The following UBE3B variants were observed in gnomAD, a reference collection of about 807,000 sequenced individuals.
The protein encoded by UBE3B is ubiquitin-protein ligase E3B.
A neutral mutation model predicts 132.3 loss-of-function variants in UBE3B; 80 were observed. That is an observed-to-expected ratio of 0.60 (90% CI 0.50 to 0.73). The LOEUF is 0.73. Among genes scored for constraint, UBE3B ranks in the 30% least tolerant of loss-of-function variants. The pLI is 0.00. For missense variants in UBE3B, 1,196 were observed against 1,362.5 expected (o/e 0.88, Z 1.92); for synonymous variants, 487 against 520.4 (o/e 0.94, Z 0.87).
intron 9 of UBE3B, 46 bp downstream of exon 9, chr12:109,491,173 TTCC>T: frequency 2.5e-6 from 4 of 1,577,018 alleles, no homozygotes; most frequent in Non-Finnish European, 2.6e-6. Context: ...TCTTGAATGC[TTCC>T]TCCTCTTGGT....
chr12:109,525,825 T>G (rs993507698), intron 23 of UBE3B, among the ~76,000 whole-genome samples: 1 of 152,132 alleles, frequency 6.6e-6, no homozygotes, highest in Non-Finnish European at 1.5e-5. Flanking sequence ...AGCTCTAATA[T>G]GAGCAAAAGA....
In UBE3B at chr12:109,488,679, C is replaced by T. The variant is rs1876919393; in HGVS notation, c.544+11C>T. 2 of 1,611,504 alleles carry T rather than the reference C, an allele frequency of 1.2e-6. No homozygotes were observed. Among genetic ancestry groups the T allele is most frequent in the South Asian group, 2.2e-5 (2 of 91,018 alleles). On this transcript the variant is annotated intron_variant, in intron 7 of 27. Transcript: ENST00000342494. ...TTCTTCGGGGAAAAGGTCTGTGGGA[C>T]TTGCTTCAAAATGTTCTCTAACCAA...
Position 109,522,227 on chromosome 12 carries a change from C to T in UBE3B, c.2364+676C>T, listed in dbSNP as rs761541223. Among the ~76,000 whole-genome samples the T allele has an allele frequency of 3.9e-5, 6 of 152,264 alleles. No homozygotes were observed. Among genetic ancestry groups the T allele is most frequent in the East Asian group, 3.9e-4 (2 of 5,168 alleles). On this transcript the variant is annotated intron_variant, in intron 21 of 27. Coordinates refer to ENST00000342494, the MANE Select transcript of UBE3B (RefSeq NM_130466.4). This position sits in a 1 kb window ranked among gnomAD's most constrained non-coding sequence, Gnocchi z 4.2. ...AGCCAGCTGCTCACACCAGGTGGAT[C>T]GGAGCAGTCATCCTCACCTTACTAA... is the stretch of plus-strand genomic sequence containing the variant.
chr12:109,486,760 G>A (rs562716290), intron 6 of UBE3B, among the ~76,000 whole-genome samples, 185 bp downstream of exon 6: 2 of 152,092 alleles, frequency 1.3e-5, no homozygotes, highest in African/African-American at 4.8e-5. Context: ...GTGTGTGTTG[G>A]ACCCTTAAAC....
chr12:109,499,911 TAAAAATAATATGTATTCA>T, intron 12 of UBE3B, 101 bp downstream of exon 12: 1 of 1,094,710 alleles, frequency 9.1e-7, no homozygotes, highest in Non-Finnish European at 1.2e-6. Flanking sequence ...TTTCTTATTA[TAAAAATAATATGTATTCA>T]TTATATATTA....
At chr12:109,484,832 T>C (rs1876132834) in intron 4 of UBE3B, among the ~76,000 whole-genome samples, 2 of 152,094 alleles carry the variant, frequency 1.3e-5, no homozygotes, top group African/African-American at 4.8e-5. Context: ...CACAGCTCAC[T>C]ATAGTCTTGA....
intron 6 of UBE3B, among the ~76,000 whole-genome samples, chr12:109,486,863 T>C (rs547467016): frequency 1.5e-4 from 23 of 152,208 alleles, no homozygotes; most frequent in African/African-American, 5.5e-4. Context: ...TACATTATTA[T>C]ACTAGTCAGG....
At chr12:109,537,576 C>G (rs1287025442), downstream of UBE3B, among the ~76,000 whole-genome samples, 2 of 152,218 alleles carry the variant, frequency 1.3e-5, no homozygotes, top group Non-Finnish European at 2.9e-5. Flanking sequence ...GGCGTCCTCA[C>G]AAGGAGCGTT....
At chr12:109,503,485 G>A (rs1183116154) in intron 14 of UBE3B, among the ~76,000 whole-genome samples, 13 of 150,278 alleles carry the variant, frequency 8.7e-5, no homozygotes, top group Non-Finnish European at 1.3e-4. Context: ...AGATAGGGTT[G>A]CAAAAAAAAA....
chr12:109,547,369 C>T, the UBE3B span, among the ~76,000 whole-genome samples: 1 of 152,242 alleles, frequency 6.6e-6, no homozygotes, highest in Admixed American at 6.5e-5. This position sits in a 1 kb window ranked among gnomAD's most constrained non-coding sequence, Gnocchi z 4.1. Flanking sequence ...CAAACAAGGT[C>T]ATACATGCAG....
chr12:109,508,679 G>C, intron 15 of UBE3B: 1 of 985,624 alleles, frequency 1.0e-6, no homozygotes, highest in Non-Finnish European at 1.2e-6. Context: ...AAGAGCAGGG[G>C]TCTAGCTGCT....
At chr12:109,510,836 G>A (rs1482204061) in intron 17 of UBE3B, among the ~76,000 whole-genome samples, 2 of 152,162 alleles carry the variant, frequency 1.3e-5, no homozygotes, top group Non-Finnish European at 2.9e-5. Flanking sequence ...GAGTAATGGG[G>A]TGGGGGAAAT....
chr12:109,477,887 TGGCCAGGTC>T lies in UBE3B; in HGVS notation c.-347_-339del, dbSNP rs1430392345. 6.5e-6 allele frequency: 1 copy of T among 153,880 alleles called. No individual in the cohort carries two copies. The highest frequency in any genetic ancestry group is 2.4e-5 in the African/African-American group (1 of 41,474). The allele number at this position is 153,880 out of a possible 1,614,324, so 9.5% of individuals were successfully genotyped here. On this transcript the variant is annotated 5_prime_UTR_variant, in exon 1 of 28. Coordinates refer to ENST00000342494, the MANE Select transcript of UBE3B (RefSeq NM_130466.4). Reference sequence around the variant, plus strand: ...TTGGCTCTAGGGCACAGTCCCTGCCTGGCCAGGTCGGAGGAACAAGTGCTGGGATCTGGC... The same window carrying T: ...TTGGCTCTAGGGCACAGTCCCTGCCTGGAGGAACAAGTGCTGGGATCTGGC...
chr12:109,534,365 C>T lies in UBE3B; in HGVS notation c.3016-226C>T. The T allele has an allele frequency of 3.5e-6, 5 of 1,416,224 alleles. No homozygotes were observed. The highest frequency in any genetic ancestry group is 4.6e-6 in the Non-Finnish European group (5 of 1,091,156). 87.7% of individuals were successfully genotyped at this position (1,416,224 alleles called of 1,614,324 possible). ...CCCATTTCCAAAAGCTTACTTAGTGCAGGAATTCTCTGTGCAGGCCCCAGG... is the reference window on the plus strand; with the variant it reads ...CCCATTTCCAAAAGCTTACTTAGTGTAGGAATTCTCTGTGCAGGCCCCAGG... On this transcript the variant is annotated intron_variant, in intron 27 of 27. Transcript: ENST00000342494. This position sits in a 1 kb window ranked among gnomAD's most constrained non-coding sequence, Gnocchi z 5.2.
At chr12:109,508,843 A>T in intron 15 of UBE3B, 1 of 749,476 alleles carries the variant, frequency 1.3e-6, no homozygotes, top group Non-Finnish European at 1.6e-6. Context: ...TTTACTCACA[A>T]ATGCTTACTA....
chr12:109,481,507 A>G (rs894140738), intron 1 of UBE3B, 130 bp from the exon 2 acceptor site: 5 of 152,168 alleles, frequency 3.3e-5, no homozygotes, highest in African/African-American at 1.2e-4. Flanking sequence ...TTAAATAAAG[A>G]GGACCCAGTG....
chr12:109,523,711 C>G (rs2136083638), intron 21 of UBE3B, among the ~76,000 whole-genome samples: 1 of 152,318 alleles, frequency 6.6e-6, no homozygotes, highest in African/African-American at 2.4e-5. Context: ...AGCTGAGGGC[C>G]CCTGGCTTGG....
In UBE3B at chr12:109,521,681, G is replaced by T. The variant is rs1881735813; in HGVS notation, c.2364+130G>T. The T allele has an allele frequency of 3.7e-6, 3 of 804,600 alleles. No individual in the cohort carries two copies. The East Asian group carries it at 8.3e-5, about 22-fold the overall frequency. The allele number at this position is 804,600 out of a possible 1,614,324, so 49.8% of individuals were successfully genotyped here. Reference sequence around the variant, plus strand: ...TAGGATACAAGCGAGGACAGGGGCAGGAACCAAGGTTTGTTGTACACCAGT... The same window carrying T: ...TAGGATACAAGCGAGGACAGGGGCATGAACCAAGGTTTGTTGTACACCAGT... On this transcript the variant is annotated intron_variant, in intron 21 of 27. Transcript: ENST00000342494. The surrounding 1 kb of genome is among the most constrained non-coding windows in gnomAD (Gnocchi z 4.2).
chr12:109,518,518 G>A (rs1881332065), intron 19 of UBE3B, among the ~76,000 whole-genome samples: 1 of 152,086 alleles, frequency 6.6e-6, no homozygotes, highest in Non-Finnish European at 1.5e-5. Flanking sequence ...TGTGTGGTAG[G>A]GACTCCCTTT....
Sources: allele counts gnomAD v4.1 joint callset (sites outside exome capture counted in the v4.1 genomes callset), GRCh38; gene constraint gnomAD v4.1.1; non-coding constraint Gnocchi (gnomAD v3.1); transcripts MANE v1.5; gene names NCBI Gene and HGNC (gene_info 2026-07-23, HGNC 2026-07-21).